Variants in PRKG1 observed in about 807,000 individuals in gnomAD.
PRKG1 encodes the protein cGMP-dependent protein kinase 1.
Under a neutral mutation model 88.1 loss-of-function variants are expected in PRKG1, and 35 were observed. The ratio of observed to expected loss-of-function variants is 0.40; its 90% CI spans 0.30 to 0.53. PRKG1 has a LOEUF of 0.53. PRKG1 is among the 20% of genes least tolerant of loss of function. PRKG1 has a pLI of 0.59. For missense variants in PRKG1, 540 were observed against 839.8 expected (o/e 0.64, Z 4.41); for synonymous variants, 303 against 292.5 (o/e 1.04, Z -0.37).
intron 9 of PRKG1, chr10:52,242,044 G>A (rs945282127): frequency 1.3e-5 from 2 of 152,218 alleles, no homozygotes; most frequent in African/African-American, 4.8e-5. Context: ...TGAGAGCTCT[G>A]TAGTAATGCA....
intron 8 of PRKG1, among the ~76,000 whole-genome samples, chr10:52,158,444 G>C (rs1232201818): frequency 6.6e-6 from 1 of 151,616 alleles, no homozygotes; most frequent in East Asian, 1.9e-4. Flanking sequence ...TGTTCCTACA[G>C]AGTGTCTGAG....
Position 51,581,271 on chromosome 10 carries a change from A to G in PRKG1, c.592+113435A>G, listed in dbSNP as rs367781330. Among the ~76,000 whole-genome samples the G allele has an allele frequency of 1.2e-3, 176 of 152,320 alleles. 1 individual carries two copies. The highest frequency in any genetic ancestry group is 3.8e-3 in the African/African-American group (157 of 41,590). ...CTTAAAACAGAAACGCAGTCTTTCC[A>G]TAACCTATGATTAGCAAGATATTAA... On this transcript the variant is annotated intron_variant, in intron 3 of 17. Transcript: ENST00000373980.
At chr10:52,092,841 A>T (rs1271936251) in intron 7 of PRKG1, among the ~76,000 whole-genome samples, 1 of 152,158 alleles carries the variant, frequency 6.6e-6, no homozygotes, top group Non-Finnish European at 1.5e-5. Flanking sequence ...TGTTGAGCCA[A>T]ATTGTGGTAC....
chr10:51,060,369 TATTA>T (rs1362151314), intron 1 of PRKG1, among the ~76,000 whole-genome samples: 6 of 152,070 alleles, frequency 3.9e-5, no homozygotes, highest in African/African-American at 1.4e-4. Context: ...TTTTGTTCTA[TATTA>T]ATTTTTCTTT....
chr10:51,323,202 T>C (rs1173070758), intron 2 of PRKG1, among the ~76,000 whole-genome samples: 1 of 152,232 alleles, frequency 6.6e-6, no homozygotes, highest in African/African-American at 2.4e-5. Context: ...AAAATATTGC[T>C]ACGATATGAT....
At chr10:51,484,222 G>A (rs1275245362) in intron 3 of PRKG1, among the ~76,000 whole-genome samples, 1 of 152,052 alleles carries the variant, frequency 6.6e-6, no homozygotes, top group Non-Finnish European at 1.5e-5. Flanking sequence ...CTTTCATAGG[G>A]GATAGTAAAT....
chr10:51,121,585 G>A (rs577318649), intron 1 of PRKG1, among the ~76,000 whole-genome samples: 64 of 152,204 alleles, frequency 4.2e-4, no homozygotes, highest in African/African-American at 1.5e-3. Flanking sequence ...ACAACTCTCT[G>A]CAGAAGGTAC....
intron 4 of PRKG1, among the ~76,000 whole-genome samples, chr10:51,906,287 A>C (rs142913029): frequency 6.6e-6 from 1 of 152,176 alleles, no homozygotes; most frequent in Admixed American, 6.5e-5. Context: ...CAACAAAAAG[A>C]GTCAAACTCT....
rs1837198606 is a variant in PRKG1, at chr10:52,129,527, G to A, written c.936-4313G>A. On this transcript the variant is annotated intron_variant, in intron 7 of 17. Coordinates refer to ENST00000373980, the MANE Select transcript of PRKG1 (RefSeq NM_006258.4). ...AGTATTTTGTCTCTATCTCTAGCAG[G>A]CTTTGAGTGCACAAGAACAGAATTT... is the stretch of plus-strand genomic sequence containing the variant. 2.0e-5 allele frequency among the ~76,000 whole-genome samples: 3 copies of A among 152,084 alleles called. No individual in the cohort carries two copies. In the South Asian group the frequency reaches 6.2e-4, roughly 31 times the overall value.
chr10:52,149,233 A>G (rs1837831793), intron 8 of PRKG1, among the ~76,000 whole-genome samples: 1 of 151,844 alleles, frequency 6.6e-6, no homozygotes, highest in African/African-American at 2.4e-5. Flanking sequence ...CTATTTAATA[A>G]GATTTTCATT....
At chr10:52,234,243 T>A (rs984694488) in intron 9 of PRKG1, among the ~76,000 whole-genome samples, 1 of 152,112 alleles carries the variant, frequency 6.6e-6, no homozygotes, top group African/African-American at 2.4e-5. Context: ...CTGGAAACTC[T>A]AAAACGCAGA....
intron 2 of PRKG1, among the ~76,000 whole-genome samples, chr10:51,407,100 G>A (rs1837941570): frequency 6.6e-6 from 1 of 152,138 alleles, no homozygotes; most frequent in South Asian, 2.1e-4. Context: ...GGGATTAAGT[G>A]TGGGCCTCCC....
At chr10:51,507,763 A>C (rs1442515677) in intron 3 of PRKG1, among the ~76,000 whole-genome samples, 1 of 152,092 alleles carries the variant, frequency 6.6e-6, no homozygotes, top group Non-Finnish European at 1.5e-5. Flanking sequence ...TCGATGGAGC[A>C]CTTTGGAAAA....
At chr10:51,613,304 T>C (rs1838960339) in intron 3 of PRKG1, among the ~76,000 whole-genome samples, 1 of 151,928 alleles carries the variant, frequency 6.6e-6, no homozygotes, top group Non-Finnish European at 1.5e-5. Flanking sequence ...AGTTTGTTAG[T>C]GTATAGTTAT....
chr10:52,247,200 A>G (rs902951666), intron 9 of PRKG1, among the ~76,000 whole-genome samples: 1 of 152,134 alleles, frequency 6.6e-6, no homozygotes, highest in African/African-American at 2.4e-5. Context: ...TTAAAAAATC[A>G]TTGTCTCAAA....
intron 2 of PRKG1, among the ~76,000 whole-genome samples, chr10:51,303,393 T>A (rs980321805): frequency 6.6e-6 from 1 of 150,836 alleles, no homozygotes; most frequent in Non-Finnish European, 1.5e-5. Flanking sequence ...CAAACAGGCC[T>A]ATTCAGTTTA....
chr10:51,004,807 C>T lies in PRKG1; in HGVS notation c.266+13163C>T, dbSNP rs960515855. 4.6e-5 allele frequency among the ~76,000 whole-genome samples: 7 copies of T among 152,028 alleles called. No homozygotes were observed. The East Asian group carries it at 1.4e-3, about 29-fold the overall frequency. Reference sequence around the variant, plus strand: ...GAAAATAAGGAAAATAAGGATAAAACTGTATCTATTGCTCTTAAATAAAAT... The same window carrying T: ...GAAAATAAGGAAAATAAGGATAAAATTGTATCTATTGCTCTTAAATAAAAT... On this transcript the variant is annotated intron_variant, in intron 1 of 17. Transcript: ENST00000401604.
At chr10:51,249,843 A>G (rs1008029419) in intron 2 of PRKG1, among the ~76,000 whole-genome samples, 1 of 151,836 alleles carries the variant, frequency 6.6e-6, no homozygotes, top group African/African-American at 2.4e-5. Context: ...ATAGCCGGGC[A>G]TATTTGTCAT....
At chr10:51,807,342 T>C (rs986272830) in intron 4 of PRKG1, among the ~76,000 whole-genome samples, 3 of 152,130 alleles carry the variant, frequency 2.0e-5, no homozygotes, top group African/African-American at 7.2e-5. Flanking sequence ...TCGGTACAAG[T>C]CACACATCCA....
Sources: allele counts gnomAD v4.1 joint callset (sites outside exome capture counted in the v4.1 genomes callset), GRCh38; gene constraint gnomAD v4.1.1; transcripts MANE v1.5; gene names NCBI Gene and HGNC (gene_info 2026-07-23, HGNC 2026-07-21).